The following WDFY4 variants were observed in gnomAD, a reference collection of about 807,000 sequenced individuals.
The protein encoded by WDFY4 is WDFY family member 4.
Under a neutral mutation model 351.9 loss-of-function variants are expected in WDFY4, and 169 were observed. The observed-to-expected ratio is 0.48, with a 90% CI of 0.42 to 0.55. WDFY4 has a LOEUF of 0.55. Ranked by LOEUF, WDFY4 falls within the 20% of genes least tolerant of loss-of-function variation. The pLI is 0.00. For missense variants in WDFY4, 3,803 were observed against 3,935.6 expected (o/e 0.97, Z 0.90); for synonymous variants, 1,622 against 1,574.6 (o/e 1.03, Z -0.71).
chr10:48,914,290 C>G (rs904604625), intron 47 of WDFY4: 5 of 902,798 alleles, frequency 5.5e-6, no homozygotes, highest in Admixed American at 2.8e-5. Context: ...TGGGCTCCCC[C>G]ACGTCATGAC....
intron 1 of WDFY4, among the ~76,000 whole-genome samples, chr10:48,694,666 G>C (rs1357286672): frequency 6.6e-6 from 1 of 152,036 alleles, no homozygotes; most frequent in Non-Finnish European, 1.5e-5. Context: ...TTGCCACTCC[G>C]GACTCTCTGC....
intron 37 of WDFY4, 43 bp from the exon 38 acceptor site, chr10:48,830,657 T>A: frequency 6.5e-7 from 1 of 1,532,324 alleles, no homozygotes; most frequent in Non-Finnish European, 8.8e-7. Context: ...TCTGGGAGGG[T>A]CACTGAGGCC....
At chr10:48,710,072 C>T (rs1170375060) in intron 2 of WDFY4, 106 bp downstream of exon 2, 1 of 1,094,068 alleles carries the variant, frequency 9.1e-7, no homozygotes, top group African/African-American at 1.6e-5. Context: ...CAAGTGGACT[C>T]TGATTGGTTG....
rs755204577 is a variant in WDFY4 at position 48,959,804 on chromosome 10, G to T, written c.8214G>T (p.Leu2738=). Residue 2738 remains leucine, a synonymous_variant, in exon 53 of 62, where the codon CTG becomes CTT. Coordinates refer to ENST00000325239, the MANE Select transcript of WDFY4 (RefSeq NM_001394531.1). ...ADGDPRKFIS[L]HRKALESDFV... is the part of the protein sequence containing the mutation. Reference sequence around the variant, plus strand: ...GGGACCCTCGGAAATTCATCAGCCTGCACAGAAAGGTGAGTCAGGCCAGGA... The same window carrying T: ...GGGACCCTCGGAAATTCATCAGCCTTCACAGAAAGGTGAGTCAGGCCAGGA... 1 of 1,550,098 alleles carries T rather than the reference G, an allele frequency of 6.5e-7. No individual in the cohort carries two copies. Among genetic ancestry groups the T allele is most frequent in the South Asian group, 1.2e-5 (1 of 83,992 alleles).
intron 40 of WDFY4, 36 bp downstream of exon 40, chr10:48,867,378 A>T (rs1341634733): frequency 4.5e-6 from 6 of 1,342,278 alleles, no homozygotes; most frequent in Non-Finnish European, 5.9e-6. Flanking sequence ...CTATACAGCA[A>T]GCTGGAATCC....
At chr10:48,971,240 T>C (rs896307708) in intron 57 of WDFY4, among the ~76,000 whole-genome samples, 2 of 152,156 alleles carry the variant, frequency 1.3e-5, no homozygotes, top group African/African-American at 4.8e-5. Context: ...CTCACGCCTG[T>C]AATACCAGCA....
intron 47 of WDFY4, 60 bp downstream of exon 47, chr10:48,901,923 T>C: frequency 6.9e-7 from 1 of 1,448,624 alleles, no homozygotes. Flanking sequence ...ATGTTCCTCC[T>C]CTGCCTCATC....
At position 48,966,706 on chromosome 10, in the gene WDFY4, T is replaced by G. The variant is rs369511880; in HGVS notation, c.8584+33T>G. On this transcript the variant is annotated intron_variant, in intron 55 of 61. Coordinates refer to ENST00000325239, the MANE Select transcript of WDFY4 (RefSeq NM_001394531.1). ...CCTGGCCATGCATTGTTTGGTGTCC[T>G]GTCCCAGGGTTGTCCCTTCAGTGGC... is the stretch of plus-strand genomic sequence containing the variant. 43 of 1,539,728 alleles carry G rather than the reference T, an allele frequency of 2.8e-5. No homozygotes were observed. The African/African-American group carries it at 4.7e-4, about 17-fold the overall frequency.
intron 32 of WDFY4, 96 bp from the exon 33 acceptor site, chr10:48,820,138 G>A (rs1589686337): frequency 1.5e-6 from 2 of 1,339,116 alleles, no homozygotes; most frequent in East Asian, 2.5e-5. Context: ...ATGTCACTGG[G>A]CATGACAATA....
chr10:48,961,324 C>T (rs1589998687), intron 53 of WDFY4, among the ~76,000 whole-genome samples: 2 of 152,120 alleles, frequency 1.3e-5, no homozygotes, highest in African/African-American at 2.4e-5. Flanking sequence ...ATTCAATTGA[C>T]CAGAGTGTTG....
rs2067417401 is a variant in WDFY4 at position 48,810,736 on chromosome 10, G to T, written c.5044+1G>T. 1 of 1,524,102 alleles carries T rather than the reference G, an allele frequency of 6.6e-7. No individual in the cohort carries two copies. The highest frequency in any genetic ancestry group is 2.1e-5 in the Admixed American group (1 of 46,910). The allele number at this position is 1,524,102 out of a possible 1,614,324, so 94.4% of individuals were successfully genotyped here. A position where few individuals can be genotyped will look rare whatever the true frequency, so the allele number is the denominator to read the frequency against. The stretch of plus-strand genomic sequence containing the variant: ...ACTGAGGGCGTGGATATTGTAATGG[G>T]TGAGCACGTGGCTGTCTCCAGGGAG... On this transcript the variant is annotated splice_donor_variant, in intron 29 of 61. Coordinates refer to ENST00000325239, the MANE Select transcript of WDFY4 (RefSeq NM_001394531.1). LOFTEE classifies it high-confidence loss of function.
At chr10:48,819,747 C>A (rs2067749635) in intron 32 of WDFY4, among the ~76,000 whole-genome samples, 1 of 152,190 alleles carries the variant, frequency 6.6e-6, no homozygotes, top group Non-Finnish European at 1.5e-5. Flanking sequence ...AGGAGCCTGT[C>A]TGTGGGCATC....
rs1039067603 is a variant in WDFY4, at chr10:48,964,150, A to C, written c.8436+96A>C. On this transcript the variant is annotated intron_variant, in intron 54 of 61. Transcript: ENST00000325239. ...GGGTGAAAGTGAAGGAGATGGCTGA[A>C]GAGGTGAAATGGTCCCCCATCATCT... is the stretch of plus-strand genomic sequence containing the variant. 3.7e-6 allele frequency: 5 copies of C among 1,367,048 alleles called. No individual in the cohort carries two copies. The East Asian group carries it at 7.5e-5, about 21-fold the overall frequency. The allele number at this position is 1,367,048 out of a possible 1,614,324, so 84.7% of individuals were successfully genotyped here.
intron 51 of WDFY4, among the ~76,000 whole-genome samples, chr10:48,956,868 T>C (rs1260490860): frequency 6.6e-6 from 1 of 152,186 alleles, no homozygotes; most frequent in African/African-American, 2.4e-5. Context: ...CAGATTTCCA[T>C]AGGAGGGAAA....
chr10:48,824,249 C>CCT (rs1343544045), intron 35 of WDFY4: 1 of 936,824 alleles, frequency 1.1e-6, no homozygotes, highest in Non-Finnish European at 1.3e-6. Flanking sequence ...CCTCTCTGAC[C>CCT]CTTAGCCTCT....
intron 18 of WDFY4, among the ~76,000 whole-genome samples, chr10:48,779,343 C>T (rs1222206511): frequency 6.6e-6 from 1 of 152,360 alleles, no homozygotes; most frequent in East Asian, 1.9e-4. Context: ...CCAGCCCTGG[C>T]TCTGCCCTTT....
rs1326539495 is a variant in WDFY4 at position 48,826,690 on chromosome 10, C to T, written c.6002C>T (p.Ser2001Phe). The T allele has an allele frequency of 1.9e-6, 3 of 1,551,340 alleles. No homozygotes were observed. The highest frequency in any genetic ancestry group is 2.6e-6 in the Non-Finnish European group (3 of 1,146,786). ...HIMVVIETASSQRDTVLSTLY... is the reference protein window; with the variant it reads ...HIMVVIETASFQRDTVLSTLY... ...ACACAGGTCATTGAGACTGCCTCTT[C>T]TCAAAGGGACACTGTCCTCAGCACT... is the stretch of plus-strand genomic sequence containing the variant. Residue 2001 changes from serine (S) to phenylalanine (F), a missense_variant, in exon 36 of 62, where the codon TCT becomes TTT. This residue lies in a region of WDFY4 where 3,054 missense variants were observed against 3,148.6 expected (regional missense o/e 0.97). Coordinates refer to ENST00000325239, the MANE Select transcript of WDFY4 (RefSeq NM_001394531.1).
intron 45 of WDFY4, among the ~76,000 whole-genome samples, chr10:48,899,773 CCTCGGCAGGGGA>C (rs1837264125): frequency 6.6e-6 from 1 of 152,150 alleles, no homozygotes; most frequent in South Asian, 2.1e-4. Flanking sequence ...ATCAAAATGG[CCTCGGCAGGGGA>C]CCCTGTGCTG....
At chr10:48,936,406 T>C (rs1840362564) in intron 47 of WDFY4, among the ~76,000 whole-genome samples, 1 of 152,116 alleles carries the variant, frequency 6.6e-6, no homozygotes, top group African/African-American at 2.4e-5. Context: ...TTAGAATATA[T>C]GTGAATACAT....
Sources: gnomAD v4.1 joint callset for allele counts (sites outside exome capture counted in the v4.1 genomes callset) on GRCh38, gnomAD v4.1.1 for gene constraint, gnomAD v4.1.1 regional missense constraint, MANE v1.5 for transcripts, NCBI Gene and HGNC (gene_info 2026-07-23, HGNC 2026-07-21) for gene names.